The following SUSD4 variants were observed in gnomAD, a reference collection of about 807,000 sequenced individuals.
The protein encoded by SUSD4 is sushi domain containing 4.
Under a neutral mutation model 50.5 loss-of-function variants are expected in SUSD4, and 41 were observed. That is an observed-to-expected ratio of 0.81 (90% CI 0.63 to 1.05). SUSD4 has a LOEUF of 1.05. Ranked by LOEUF, SUSD4 falls within the 50% of genes least tolerant of loss-of-function variation. SUSD4 has a pLI of 0.00. For missense variants in SUSD4, 580 were observed against 634.7 expected (o/e 0.91, Z 0.93); for synonymous variants, 257 against 257.3 (o/e 1.00, Z 0.01).
At chr1:223,237,015 G>T (rs1329476901) in intron 5 of SUSD4, among the ~76,000 whole-genome samples, 3 of 151,952 alleles carry the variant, frequency 2.0e-5, no homozygotes, top group African/African-American at 7.2e-5. Context: ...TTAGTTCTTT[G>T]ATTTCTTTCA....
chr1:223,304,008 G>C (rs1665355025), intron 2 of SUSD4, among the ~76,000 whole-genome samples: 1 of 152,206 alleles, frequency 6.6e-6, no homozygotes, highest in African/African-American at 2.4e-5. Flanking sequence ...TGTGAAGCTA[G>C]ACAACCAGTT....
At chr1:223,317,492 A>G (rs1185697996) in intron 2 of SUSD4, among the ~76,000 whole-genome samples, 1 of 152,168 alleles carries the variant, frequency 6.6e-6, no homozygotes, top group Non-Finnish European at 1.5e-5. Flanking sequence ...ATGAGACTCA[A>G]GAACCCTCTT....
At chr1:223,345,596 C>G (rs1186446332) in intron 2 of SUSD4, among the ~76,000 whole-genome samples, 1 of 152,208 alleles carries the variant, frequency 6.6e-6, no homozygotes, top group Non-Finnish European at 1.5e-5. Context: ...TTATAATTAC[C>G]GCTGCCCATG....
chr1:223,259,148 C>A (rs1661917460), intron 5 of SUSD4, among the ~76,000 whole-genome samples: 1 of 152,174 alleles, frequency 6.6e-6, no homozygotes, highest in Non-Finnish European at 1.5e-5. Flanking sequence ...CTGGACCTTG[C>A]AAAATACTCA....
intron 2 of SUSD4, among the ~76,000 whole-genome samples, chr1:223,305,144 C>G (rs1339974030): frequency 6.6e-6 from 1 of 151,972 alleles, no homozygotes; most frequent in African/African-American, 2.4e-5. Flanking sequence ...AAAGTGATTT[C>G]TTCAAGAGCC....
At chr1:223,298,150 G>C (rs541804136) in intron 2 of SUSD4, among the ~76,000 whole-genome samples, 1 of 151,912 alleles carries the variant, frequency 6.6e-6, no homozygotes, top group African/African-American at 2.4e-5. Context: ...GGATGGATGG[G>C]TTGGATTGGA....
At chr1:223,287,233 C>T (rs1003460848) in intron 3 of SUSD4, among the ~76,000 whole-genome samples, 37 of 152,334 alleles carry the variant, frequency 2.4e-4, no homozygotes, top group African/African-American at 8.7e-4. Context: ...CGAGCCACCA[C>T]ACCTGACTAA....
At chr1:223,264,012 C>A in intron 5 of SUSD4, 1 of 985,450 alleles carries the variant, frequency 1.0e-6, no homozygotes, top group Non-Finnish European at 1.2e-6. Flanking sequence ...GCATGTCCAA[C>A]TTGCCTAGCA....
intron 2 of SUSD4, among the ~76,000 whole-genome samples, chr1:223,360,592 A>C (rs1469802840): frequency 2.0e-5 from 3 of 152,178 alleles, no homozygotes; most frequent in African/African-American, 7.2e-5. Context: ...TTTTTGATGG[A>C]GTTCCTGTTC....
intron 2 of SUSD4, among the ~76,000 whole-genome samples, chr1:223,299,245 T>C (rs1665030685): frequency 6.6e-6 from 1 of 152,130 alleles, no homozygotes; most frequent in African/African-American, 2.4e-5. Flanking sequence ...GTGTAGGTGT[T>C]AGGGAAGCAG....
intron 2 of SUSD4, among the ~76,000 whole-genome samples, chr1:223,340,362 T>C (rs551487681): frequency 2.6e-5 from 4 of 152,274 alleles, no homozygotes; most frequent in African/African-American, 7.2e-5. Context: ...GGGCATCTGA[T>C]AGATACAAAA....
intron 2 of SUSD4, among the ~76,000 whole-genome samples, chr1:223,321,575 C>G (rs1449471790): frequency 6.6e-6 from 1 of 152,178 alleles, no homozygotes; most frequent in Non-Finnish European, 1.5e-5. Context: ...CTTCCTTTGT[C>G]CCTTTCTAAT....
intron 5 of SUSD4, chr1:223,263,960 G>A (rs929239727): frequency 2.4e-5 from 24 of 985,152 alleles, no homozygotes; most frequent in African/African-American, 1.2e-4. Flanking sequence ...TGTTCTCTTC[G>A]GGCATACTTT....
At position 223,363,455 on chromosome 1, in the gene SUSD4, A is replaced by AAG; in HGVS notation, c.-32_-31dup. 1 of 1,506,516 alleles carries AAG rather than the reference A, an allele frequency of 6.6e-7. No homozygotes were observed. Among genetic ancestry groups the AAG allele is most frequent in the Non-Finnish European group, 8.9e-7 (1 of 1,119,120 alleles). 93.3% of individuals were successfully genotyped at this position (1,506,516 alleles called of 1,614,324 possible). A position where few individuals can be genotyped will look rare whatever the true frequency, so the allele number is the denominator to read the frequency against. ...CATCCACAGAGGGCATCCAGCTTGC[A>AAG]AGAGTCTGCAACCAGAAGCGGAACA... is the stretch of plus-strand genomic sequence containing the variant. On this transcript the variant is annotated 5_prime_UTR_variant, in exon 2 of 9. The change abolishes the stop of an existing upstream ORF in the 5' untranslated region. Coordinates refer to ENST00000366878, the MANE Select transcript of SUSD4 (RefSeq NM_017982.4).
intron 3 of SUSD4, among the ~76,000 whole-genome samples, chr1:223,289,973 G>C (rs1664379757): frequency 6.6e-6 from 1 of 152,176 alleles, no homozygotes; most frequent in Admixed American, 6.5e-5. Context: ...GAGCCTCTCT[G>C]AACCTCAGTT....
At chr1:223,263,394 A>G (rs1284679722) in intron 5 of SUSD4, among the ~76,000 whole-genome samples, 1 of 152,234 alleles carries the variant, frequency 6.6e-6, no homozygotes, top group African/African-American at 2.4e-5. Context: ...TATACTAAGT[A>G]TGTCCCATAT....
At chr1:223,301,279 C>G (rs1400611537) in intron 2 of SUSD4, among the ~76,000 whole-genome samples, 2 of 152,208 alleles carry the variant, frequency 1.3e-5, no homozygotes, top group Admixed American at 1.3e-4. Context: ...CCTCCCAGCA[C>G]ACAGTCTCAG....
At chr1:223,277,919 G>A (rs943082971) in intron 3 of SUSD4, among the ~76,000 whole-genome samples, 1 of 152,106 alleles carries the variant, frequency 6.6e-6, no homozygotes, top group Non-Finnish European at 1.5e-5. Context: ...CCCTAAATTA[G>A]TGAGTCTCAA....
intron 2 of SUSD4, among the ~76,000 whole-genome samples, chr1:223,331,294 A>G (rs1667157446): frequency 6.6e-6 from 1 of 152,198 alleles, no homozygotes; most frequent in Non-Finnish European, 1.5e-5. Flanking sequence ...AGGTGTTTTC[A>G]CATTCCAGCA....
Sources: gnomAD v4.1 joint callset for allele counts (sites outside exome capture counted in the v4.1 genomes callset) on GRCh38, gnomAD v4.1.1 for gene constraint, MANE v1.5 for transcripts, NCBI Gene and HGNC (gene_info 2026-07-23, HGNC 2026-07-21) for gene names.